Variants in NFKBID observed in about 807,000 individuals in gnomAD.
The protein encoded by NFKBID is NFKB inhibitor delta.
In NFKBID, 26 loss-of-function variants were observed where a neutral mutation model predicts 53.4. The ratio of observed to expected loss-of-function variants is 0.49; its 90% CI spans 0.36 to 0.68. The LOEUF is 0.68. Among genes scored for constraint, NFKBID ranks in the 30% least tolerant of loss-of-function variants. NFKBID has a pLI of 0.00. For missense variants in NFKBID, 493 were observed against 614.1 expected (o/e 0.80, Z 2.08); for synonymous variants, 262 against 259.8 (o/e 1.01, Z -0.08).
At chr19:35,902,198 A>G (rs2146979137), upstream of NFKBID, 2 of 702,726 alleles carry the variant, frequency 2.8e-6, no homozygotes, top group East Asian at 2.7e-5. Context: ...CCTACCTTTC[A>G]TCTCTGCCAG....
At chr19:35,892,472 C>G (rs951206463) in intron 9 of NFKBID, among the ~76,000 whole-genome samples, 1 of 151,390 alleles carries the variant, frequency 6.6e-6, no homozygotes, top group Admixed American at 6.6e-5. Context: ...ATCACTTGAA[C>G]CTGGGAGGTT....
chr19:35,900,827 CTTTTT>C (rs60365058), upstream of NFKBID, among the ~76,000 whole-genome samples: 1,203 of 107,584 alleles, frequency 0.011, 12 homozygotes, highest in East Asian at 0.083. Context: ...TTTTTCTTTT[CTTTTT>C]TTTTTTTTTT....
intron 9 of NFKBID, 191 bp from the exon 10 acceptor site, chr19:35,890,681 C>G: frequency 1.5e-6 from 1 of 661,706 alleles, no homozygotes; most frequent in Non-Finnish European, 2.8e-6. Flanking sequence ...CTGGACAACA[C>G]AGCAAGACCT....
exon 12 of NFKBID, chr19:35,888,518 G>A (rs762279046): frequency 1.9e-5 from 27 of 1,445,366 alleles, no homozygotes; most frequent in Non-Finnish European, 2.6e-5. Context: ...CCCGCAGGAC[G>A]GTGGGGACTG....
intron 9 of NFKBID, among the ~76,000 whole-genome samples, chr19:35,893,161 T>C (rs1471168129): frequency 1.3e-5 from 2 of 151,952 alleles, no homozygotes; most frequent in Non-Finnish European, 2.9e-5. Context: ...AAAGCCAGAC[T>C]CTGTCTCTAA....
At chr19:35,900,670 C>T, upstream of NFKBID, 1 of 1,227,428 alleles carries the variant, frequency 8.1e-7, no homozygotes, top group Non-Finnish European at 1.0e-6. Flanking sequence ...TGAATGGGCG[C>T]GGCGGACTTG....
chr19:35,890,611 C>T (rs746751758), intron 9 of NFKBID, 121 bp from the exon 10 acceptor site: 1 of 780,154 alleles, frequency 1.3e-6, no homozygotes, highest in South Asian at 1.4e-5. Flanking sequence ...CGCCTGTAAT[C>T]CTAGCACTTT....
At chr19:35,900,462 G>A in exon 1 of NFKBID, 4 of 1,231,946 alleles carry the variant, frequency 3.2e-6, no homozygotes, top group Non-Finnish European at 4.0e-6. Context: ...CCGTGGCGTG[G>A]ATTGCGGGCC....
rs903318697 is a variant in NFKBID, at chr19:35,896,415, A to T, written c.808T>A (p.Tyr270Asn). Reference sequence around the variant, plus strand: ...ACCAAGAGAACTCCTGGGAGCCCGTAGGTAGCGGCCACGTGCAAGACCGAA... The same window carrying T: ...ACCAAGAGAACTCCTGGGAGCCCGTTGGTAGCGGCCACGTGCAAGACCGAA... The change falls in exon 7 of 12, where the codon TAC becomes AAC. Residue 270 changes from tyrosine (Y) to asparagine (N), a missense_variant. Tyr to Asn is a moderately radical substitution (Grantham distance 143, BLOSUM62 -2). Around this residue, in one of 2 missense-constraint regions of NFKBID, gnomAD observed 267 missense variants for 384.6 expected, o/e 0.69. Coordinates refer to ENST00000641389, the Ensembl canonical transcript of NFKBID. This position sits in a 1 kb window ranked among gnomAD's most constrained non-coding sequence, Gnocchi z 5.7. 1.2e-6 allele frequency: 2 copies of T among 1,614,100 alleles called. No homozygotes were observed. The highest frequency in any genetic ancestry group is 1.1e-5 in the South Asian group (1 of 91,094).
chr19:35,891,919 G>A (rs1213997702), intron 9 of NFKBID, among the ~76,000 whole-genome samples: 1 of 151,938 alleles, frequency 6.6e-6, no homozygotes, highest in East Asian at 1.9e-4. Context: ...GTCTCGCTCT[G>A]TTGCCCAGGC....
chr19:35,896,746 T>C lies in NFKBID; in HGVS notation c.664A>G (p.Ile222Val), dbSNP rs774001311. The C allele has an allele frequency of 3.1e-6, 5 of 1,613,606 alleles. No individual in the cohort carries two copies. The Admixed American group carries it at 8.3e-5, about 27-fold the overall frequency. ...CTCACCTTGCCCTTATGCTCACGAA[T>C]GTCAAGACGCCGGTACACCTGGAGC... The change falls in exon 6 of 12, where the codon ATT (isoleucine) becomes GTT (valine). Residue 222 changes from isoleucine to valine, a missense_variant. By Grantham distance (29) the Ile-to-Val change is conservative. Transcript: ENST00000641389. The surrounding 1 kb of genome is among the most constrained non-coding windows in gnomAD (Gnocchi z 5.7).
rs1259059679 is a variant in NFKBID, at chr19:35,896,732, C to T, written c.678G>A (p.Lys226=). Residue 226 remains lysine, a synonymous_variant, in exon 6 of 12, where the codon AAG becomes AAA. Coordinates refer to ENST00000641389, the Ensembl canonical transcript of NFKBID. The surrounding 1 kb of genome is among the most constrained non-coding windows in gnomAD (Gnocchi z 5.7). ...TTCAGGCCCCAAGCCTCACCTTGCC[C>T]TTATGCTCACGAATGTCAAGACGCC... 6.2e-7 allele frequency: 1 copy of T among 1,613,686 alleles called. No homozygotes were observed. The highest frequency in any genetic ancestry group is 8.5e-7 in the Non-Finnish European group (1 of 1,179,720).
exon 4 of NFKBID, chr19:35,897,766 G>A (rs775874453): frequency 1.9e-6 from 3 of 1,607,074 alleles, no homozygotes; most frequent in Admixed American, 1.7e-5. Flanking sequence ...GTCAGTGTAG[G>A]CAGCATGCGT....
At chr19:35,895,940 C>T (rs1213618022) in intron 9 of NFKBID, 40 bp downstream of exon 9, 1 of 1,584,492 alleles carries the variant, frequency 6.3e-7, no homozygotes, top group Middle Eastern at 1.8e-4. Flanking sequence ...CCCCATTCCA[C>T]ACAATCTCCC....
chr19:35,889,485 G>T (rs1974601421), intron 11 of NFKBID, among the ~76,000 whole-genome samples: 1 of 152,148 alleles, frequency 6.6e-6, no homozygotes, highest in Non-Finnish European at 1.5e-5. Flanking sequence ...GCTGGCTGGG[G>T]GTTCCCACCT....
chr19:35,895,945 T>A (rs199574118), intron 9 of NFKBID, 35 bp downstream of exon 9: 186 of 1,587,816 alleles, frequency 1.2e-4, no homozygotes, highest in Non-Finnish European at 3.8e-5. Context: ...TTCCACACAA[T>A]CTCCCAGGGT....
intron 10 of NFKBID, 50 bp from the exon 11 acceptor site, chr19:35,890,104 G>A: frequency 2.6e-6 from 4 of 1,542,422 alleles, no homozygotes; most frequent in African/African-American, 2.7e-5. Context: ...AGCTGGCCCA[G>A]GCCTCTAAAC....
chr19:35,889,198 A>AC lies in NFKBID; in HGVS notation c.1315-587_1315-586insG, dbSNP rs553537023. 1.2e-3 allele frequency among the ~76,000 whole-genome samples: 175 copies of AC among 150,634 alleles called. 2 individuals carry two copies. Among genetic ancestry groups the AC allele is most frequent in the African/African-American group, 3.9e-3 (160 of 40,552 alleles). Reference sequence around the variant, plus strand: ...TGACCCCATCTCTTAAAAAAAAAAAAAAACAAAATTAGCTGGGTGTGGTGG... The same window carrying AC: ...TGACCCCATCTCTTAAAAAAAAAAAACAAACAAAATTAGCTGGGTGTGGTGG... On this transcript the variant is annotated intron_variant, in intron 11 of 11. Coordinates refer to ENST00000641389, the Ensembl canonical transcript of NFKBID.
intron 9 of NFKBID, among the ~76,000 whole-genome samples, chr19:35,894,875 C>A (rs1975021196): frequency 6.6e-6 from 1 of 151,982 alleles, no homozygotes; most frequent in African/African-American, 2.4e-5. Flanking sequence ...AACCTGTAAT[C>A]CCAGTTACTC....
Sources: allele counts gnomAD v4.1 joint callset (sites outside exome capture counted in the v4.1 genomes callset), GRCh38; gene constraint gnomAD v4.1.1; regional missense constraint gnomAD v4.1.1; non-coding constraint Gnocchi (gnomAD v3.1); transcripts MANE v1.5; gene names NCBI Gene and HGNC (gene_info 2026-07-23, HGNC 2026-07-21).